Variants in GRHL1 observed in about 807,000 individuals in gnomAD.
GRHL1 encodes the protein grainyhead like transcription factor 1.
GRHL1 carries 38 observed loss-of-function variants against 75.7 expected under a neutral mutation model. The ratio of observed to expected loss-of-function variants is 0.50; its 90% CI spans 0.39 to 0.66. The LOEUF is 0.66. Among genes scored for constraint, GRHL1 ranks in the 30% least tolerant of loss-of-function variants. The pLI, the probability that GRHL1 is intolerant of heterozygous loss-of-function variation, is 0.00. For synonymous variants in GRHL1, 266 were observed against 279.4 expected, an observed-to-expected ratio of 0.95 and a Z score of 0.48; for missense variants, 589 against 767.5, an observed-to-expected ratio of 0.77 and a Z score of 2.75.
At chr2:9,957,037 C>T (rs1359334445) in intron 2 of GRHL1, among the ~76,000 whole-genome samples, 3 of 147,848 alleles carry the variant, frequency 2.0e-5, no homozygotes, top group Non-Finnish European at 3.0e-5. Context: ...GAGTCTCGCT[C>T]TTGCCCACGC....
chr2:9,971,281 G>A (rs1667712007), intron 8 of GRHL1, among the ~76,000 whole-genome samples: 1 of 152,186 alleles, frequency 6.6e-6, no homozygotes, highest in South Asian at 2.1e-4. Flanking sequence ...GGCAGGGACA[G>A]GTTTGGTTTG....
intron 8 of GRHL1, among the ~76,000 whole-genome samples, chr2:9,980,807 T>G (rs1300546690): frequency 6.6e-6 from 1 of 152,262 alleles, no homozygotes; most frequent in Non-Finnish European, 1.5e-5. Flanking sequence ...TGGGGCTTTT[T>G]AAGTGTGCGT....
At chr2:9,984,672 G>A (rs1668344262) in intron 8 of GRHL1, among the ~76,000 whole-genome samples, 1 of 152,174 alleles carries the variant, frequency 6.6e-6, no homozygotes, top group Non-Finnish European at 1.5e-5. Flanking sequence ...CCCTGGATGG[G>A]TTCTCGCCGG....
Position 9,992,487 on chromosome 2 carries a change from G to A in GRHL1, c.1461+341G>A, listed in dbSNP as rs938001066. On this transcript the variant is annotated intron_variant, in intron 11 of 15. Transcript: ENST00000324907. This position sits in a 1 kb window ranked among gnomAD's most constrained non-coding sequence, Gnocchi z 4.6. ...CTGTCATCTTTTTAAACTTAACTTG[G>A]GGCAATACCTAGGTTAAGGAGCTCT... Among the ~76,000 whole-genome samples, 1 of 151,900 alleles carries A rather than the reference G, an allele frequency of 6.6e-6. No homozygotes were observed. The highest frequency in any genetic ancestry group is 2.4e-5 in the African/African-American group (1 of 41,280).
intron 8 of GRHL1, among the ~76,000 whole-genome samples, chr2:9,985,354 C>G (rs995629815): frequency 6.6e-6 from 1 of 152,142 alleles, no homozygotes; most frequent in African/African-American, 2.4e-5. Context: ...GTTTAGTGAT[C>G]GTTAAGTTCT....
rs151152328 is a variant in GRHL1 at position 9,972,627 on chromosome 2, G to A, written c.1110+7246G>A. Among the ~76,000 whole-genome samples the A allele has an allele frequency of 4.9e-3, 743 of 152,246 alleles. 9 individuals carry two copies. Among genetic ancestry groups the A allele is most frequent in the African/African-American group, 0.016 (679 of 41,554 alleles). On this transcript the variant is annotated intron_variant, in intron 8 of 15. Transcript: ENST00000324907. ...CTTCTGATTGGAAGGCAGCCTGCCC[G>A]CCAGATCTTCCTTTCTGGCCCATGG...
At chr2:9,995,641 G>A (rs1441877923) in intron 12 of GRHL1, among the ~76,000 whole-genome samples, 1 of 151,904 alleles carries the variant, frequency 6.6e-6, no homozygotes. Context: ...TTTATCTGAT[G>A]AGAGTGCAGA....
chr2:9,958,211 T>C (rs1045012901), intron 2 of GRHL1, among the ~76,000 whole-genome samples: 6 of 150,322 alleles, frequency 4.0e-5, no homozygotes, highest in Admixed American at 4.0e-4. Flanking sequence ...AGGGTCTTGC[T>C]CTATCGCCCA....
At chr2:9,985,987 C>A in intron 8 of GRHL1, 137 bp from the exon 9 acceptor site, 2 of 626,916 alleles carry the variant, frequency 3.2e-6, no homozygotes, top group Non-Finnish European at 2.6e-6. Flanking sequence ...TTTTAAAAAC[C>A]CTTTTTTAAA....
At chr2:9,980,559 T>G (rs895017707) in intron 8 of GRHL1, among the ~76,000 whole-genome samples, 6 of 152,236 alleles carry the variant, frequency 3.9e-5, no homozygotes, top group African/African-American at 7.2e-5. Context: ...TTCAGCAGTT[T>G]ATGTTTGTGG....
intron 2 of GRHL1, among the ~76,000 whole-genome samples, chr2:9,958,567 A>G (rs760335952): frequency 1.3e-5 from 2 of 152,158 alleles, no homozygotes; most frequent in African/African-American, 2.4e-5. Context: ...TGGCAACTCA[A>G]TAACAGTTGC....
chr2:9,993,100 A>G, intron 11 of GRHL1, 107 bp from the exon 12 acceptor site: 2 of 883,822 alleles, frequency 2.3e-6, no homozygotes, highest in East Asian at 2.4e-5. Context: ...AAAGGATTTT[A>G]TATTAGATTG....
At chr2:9,962,948 A>G (rs1409404973) in intron 5 of GRHL1, among the ~76,000 whole-genome samples, 1 of 152,170 alleles carries the variant, frequency 6.6e-6, no homozygotes, top group African/African-American at 2.4e-5. Context: ...AAATGAAGTC[A>G]ACTTTTTTCT....
chr2:9,978,866 C>T (rs1052757127), intron 8 of GRHL1, among the ~76,000 whole-genome samples: 9 of 152,162 alleles, frequency 5.9e-5, no homozygotes, highest in African/African-American at 1.9e-4. Context: ...TGACGGGCAC[C>T]TGTAATCCCA....
chr2:9,958,979 T>A lies in GRHL1; in HGVS notation c.278+123T>A. 3 of 1,392,676 alleles carry A rather than the reference T, an allele frequency of 2.2e-6. No homozygotes were observed. In the South Asian group the frequency reaches 4.7e-5, roughly 22 times the overall value. 86.3% of individuals were successfully genotyped at this position (1,392,676 alleles called of 1,614,324 possible). On this transcript the variant is annotated intron_variant, in intron 3 of 15. Coordinates refer to ENST00000324907, the MANE Select transcript of GRHL1 (RefSeq NM_198182.3). The stretch of plus-strand genomic sequence containing the variant: ...GAAAGAGATAGGTAAGTTGGACTCT[T>A]ACTATCTAAATTCAGATTTCATCAC...
chr2:9,978,018 C>A, intron 8 of GRHL1, among the ~76,000 whole-genome samples: 1 of 152,170 alleles, frequency 6.6e-6, no homozygotes, highest in East Asian at 1.9e-4. Flanking sequence ...AAAGGGGAAA[C>A]CCCTTATAAA....
At chr2:9,970,455 C>G (rs1667676984) in intron 8 of GRHL1, among the ~76,000 whole-genome samples, 1 of 144,980 alleles carries the variant, frequency 6.9e-6, no homozygotes, top group African/African-American at 2.6e-5. Context: ...AACTTGGTTG[C>G]TTTGGAAAGT....
In GRHL1 at chr2:10,000,585, C is replaced by T. The variant is rs749392568; in HGVS notation, c.1743-8C>T. On this transcript the variant is annotated splice_polypyrimidine_tract_variant and splice_region_variant and intron_variant, in intron 15 of 15. Transcript: ENST00000324907. ...TGAAGTTGGTTGGTCTTGTCCCCCC[C>T]CATCCAGGATCCTGGTGAACATGGA... 17 of 1,566,412 alleles carry T rather than the reference C, an allele frequency of 1.1e-5. No homozygotes were observed. The highest frequency in any genetic ancestry group is 5.6e-5 in the South Asian group (5 of 89,570).
chr2:9,973,776 AT>A (rs1487068897), intron 8 of GRHL1, among the ~76,000 whole-genome samples: 2 of 152,162 alleles, frequency 1.3e-5, no homozygotes, highest in Non-Finnish European at 2.9e-5. Context: ...ATATGTCGGA[AT>A]TTGACTAAGT....
Sources: gnomAD v4.1 joint callset for allele counts (sites outside exome capture counted in the v4.1 genomes callset) on GRCh38, gnomAD v4.1.1 for gene constraint, Gnocchi (gnomAD v3.1) non-coding constraint, MANE v1.5 for transcripts, NCBI Gene and HGNC (gene_info 2026-07-23, HGNC 2026-07-21) for gene names.